The following LAPTM4B variants were observed in gnomAD, a reference collection of about 807,000 sequenced individuals.
The protein encoded by LAPTM4B is lysosomal protein transmembrane 4 beta.
In LAPTM4B, 26 loss-of-function variants were observed where a neutral mutation model predicts 28.5. That is an observed-to-expected ratio of 0.91 (90% confidence interval 0.67 to 1.27). The LOEUF (loss-of-function observed/expected upper bound fraction) is 1.27. Among genes scored for constraint, LAPTM4B ranks in the 50% most tolerant of loss-of-function variants. The pLI is 0.00. For synonymous variants in LAPTM4B, 109 were observed against 106.4 expected (o/e 1.02, Z -0.15); for missense variants, 288 against 285.8 (o/e 1.01, Z -0.06).
intron 1 of LAPTM4B, 64 bp from the exon 2 acceptor site, chr8:97,805,289 T>C (rs2129770555): frequency 2.2e-6 from 2 of 926,496 alleles, no homozygotes; most frequent in South Asian, 1.5e-5. Context: ...TGTAATTTTC[T>C]ATTATAAGGA....
intron 1 of LAPTM4B, among the ~76,000 whole-genome samples, chr8:97,793,938 G>C (rs1816543646): frequency 6.6e-6 from 1 of 152,086 alleles, no homozygotes; most frequent in Non-Finnish European, 1.5e-5. Flanking sequence ...CTGCCAAGTA[G>C]CTAGGACTGC....
intron 6 of LAPTM4B, among the ~76,000 whole-genome samples, chr8:97,835,522 C>T (rs1817246114): frequency 6.6e-6 from 1 of 152,184 alleles, no homozygotes; most frequent in South Asian, 2.1e-4. Context: ...GCCCCCAGCA[C>T]CCTTAGGCCA....
intron 6 of LAPTM4B, among the ~76,000 whole-genome samples, chr8:97,847,331 T>C (rs1184087734): frequency 6.6e-6 from 1 of 152,226 alleles, no homozygotes; most frequent in Non-Finnish European, 1.5e-5. Flanking sequence ...TTTAAACTCT[T>C]GAGTATGTTT....
chr8:97,818,581 T>A (rs1010481670), intron 4 of LAPTM4B, among the ~76,000 whole-genome samples: 2 of 152,328 alleles, frequency 1.3e-5, no homozygotes, highest in South Asian at 4.1e-4. Flanking sequence ...ACCCTGGAAG[T>A]ACTTGCTAGT....
intron 1 of LAPTM4B, among the ~76,000 whole-genome samples, chr8:97,786,659 G>A (rs1043785896): frequency 2.0e-5 from 3 of 149,358 alleles, no homozygotes; most frequent in South Asian, 2.1e-4. Flanking sequence ...AGATCGTGCC[G>A]CTACACTCCA....
At chr8:97,829,431 A>T (rs1817145245) in intron 6 of LAPTM4B, among the ~76,000 whole-genome samples, 1 of 152,130 alleles carries the variant, frequency 6.6e-6, no homozygotes. Context: ...TTTCTGGTTG[A>T]TGTGAGTGTT....
intron 2 of LAPTM4B, among the ~76,000 whole-genome samples, chr8:97,814,776 C>G (rs1413335785): frequency 6.6e-6 from 1 of 152,192 alleles, no homozygotes; most frequent in East Asian, 1.9e-4. Context: ...TCACTGCAAG[C>G]TCTGTCTCCC....
At chr8:97,783,730 C>A (rs1462573798) in intron 1 of LAPTM4B, among the ~76,000 whole-genome samples, 2 of 152,294 alleles carry the variant, frequency 1.3e-5, no homozygotes, top group East Asian at 3.9e-4. Context: ...GACCACCTTC[C>A]CTAGCCAGGC....
chr8:97,775,808 C>G lies in LAPTM4B; in HGVS notation c.-202C>G, dbSNP rs770356848. On this transcript the variant is annotated 5_prime_UTR_variant, in exon 1 of 7. Transcript: ENST00000521545. Reference sequence around the variant, plus strand: ...TCCCCGTCCCCGCCGCTGCAGCGGTCGCCTTCGGAGCGAAGGGTACCGACC... The same window carrying G: ...TCCCCGTCCCCGCCGCTGCAGCGGTGGCCTTCGGAGCGAAGGGTACCGACC... The G allele has an allele frequency of 3.2e-6, 5 of 1,569,696 alleles. No individual in the cohort carries two copies. In the South Asian group the frequency reaches 5.7e-5, roughly 18 times the overall value.
rs376553837 is a variant in LAPTM4B, at chr8:97,851,351, G to A, written c.604-46G>A. 157 of 1,457,504 alleles carry A rather than the reference G, an allele frequency of 1.1e-4. No individual in the cohort carries two copies. In the African/African-American group the frequency reaches 2.0e-3, roughly 19 times the overall value. 90.3% of individuals were successfully genotyped at this position (1,457,504 alleles called of 1,614,324 possible). A position where few individuals can be genotyped will look rare whatever the true frequency, so the allele number is the denominator to read the frequency against. ...GTAAAAGCTAAACCTCGGGGAACGTGTGTGCTCTTCAAACATTAACTCTTG... is the reference window on the plus strand; with the variant it reads ...GTAAAAGCTAAACCTCGGGGAACGTATGTGCTCTTCAAACATTAACTCTTG... On this transcript the variant is annotated intron_variant, in intron 6 of 6. Coordinates refer to ENST00000521545, the MANE Select transcript of LAPTM4B (RefSeq NM_018407.6).
Position 97,825,153 on chromosome 8 carries a change from G to T in LAPTM4B, c.603G>T (p.Thr201=). Residue 201 remains threonine (T), a splice_region_variant and synonymous_variant, in exon 6 of 7, where the codon ACG becomes ACT. Transcript: ENST00000521545. ...VLVYVTSNDT[T]VLLPPYDDAT... ...TTTATGTTACCAGCAATGACACTACGGTAGGTATGATGTCACTTATGGTAG... is the reference window on the plus strand; with the variant it reads ...TTTATGTTACCAGCAATGACACTACTGTAGGTATGATGTCACTTATGGTAG... 6.5e-7 allele frequency: 1 copy of T among 1,534,566 alleles called. No individual in the cohort carries two copies. Among genetic ancestry groups the T allele is most frequent in the Non-Finnish European group, 9.0e-7 (1 of 1,108,244 alleles).
At chr8:97,834,329 G>A (rs1445771098) in intron 6 of LAPTM4B, among the ~76,000 whole-genome samples, 1 of 151,960 alleles carries the variant, frequency 6.6e-6, no homozygotes, top group Non-Finnish European at 1.5e-5. Flanking sequence ...CGCTATTAAT[G>A]TTATGTTGAA....
At chr8:97,842,680 A>G (rs1269316028) in intron 6 of LAPTM4B, among the ~76,000 whole-genome samples, 1 of 150,516 alleles carries the variant, frequency 6.6e-6, no homozygotes, top group Admixed American at 6.6e-5. Context: ...CACCACGCCT[A>G]GCTAATTTTT....
At chr8:97,788,666 G>C (rs910281954) in intron 1 of LAPTM4B, among the ~76,000 whole-genome samples, 1 of 151,210 alleles carries the variant, frequency 6.6e-6, no homozygotes, top group Non-Finnish European at 1.5e-5. Context: ...AATTTCCTTT[G>C]TTAAGGGTCT....
intron 5 of LAPTM4B, among the ~76,000 whole-genome samples, chr8:97,820,675 T>C (rs1211910333): frequency 1.3e-5 from 2 of 151,980 alleles, no homozygotes. Context: ...GAGGCTGTAG[T>C]GTGCTATGAT....
intron 5 of LAPTM4B, among the ~76,000 whole-genome samples, chr8:97,823,843 G>A (rs1817050964): frequency 6.6e-6 from 1 of 151,634 alleles, no homozygotes; most frequent in South Asian, 2.1e-4. Context: ...GACTACAGGC[G>A]CACGCTGCCA....
rs569887530 is a variant in LAPTM4B, at chr8:97,786,291, C to T, written c.99+10183C>T. On this transcript the variant is annotated intron_variant, in intron 1 of 6. Transcript: ENST00000521545. ...CTAACGTTTTAAGAGTTTCGAGTTG[C>T]CTCTTTGCAGTTGCAGCTTCCAAGG... is the stretch of plus-strand genomic sequence containing the variant. Among the ~76,000 whole-genome samples the T allele has an allele frequency of 4.6e-5, 7 of 152,136 alleles. No individual in the cohort carries two copies. In the South Asian group the frequency reaches 1.5e-3, roughly 32 times the overall value.
intron 1 of LAPTM4B, among the ~76,000 whole-genome samples, chr8:97,783,372 T>C (rs1490267631): frequency 6.6e-6 from 1 of 152,158 alleles, no homozygotes; most frequent in African/African-American, 2.4e-5. Flanking sequence ...ACTCACAGTT[T>C]CCTTGTTTAC....
rs1817546263 is a variant in LAPTM4B at position 97,852,704 on chromosome 8, G to GTT, written c.*1230_*1231insTT. On this transcript the variant is annotated 3_prime_UTR_variant, in exon 7 of 7. Coordinates refer to ENST00000521545, the MANE Select transcript of LAPTM4B (RefSeq NM_018407.6). ...GCCTAAGGAGTAGGCTTTTTTTTGG[G>GTT]GGGGGGAGGTCGGGTGGGGGGGATT... 1.1e-5 allele frequency: 2 copies of GTT among 174,868 alleles called. No individual in the cohort carries two copies. Among genetic ancestry groups the GTT allele is most frequent in the African/African-American group, 5.2e-5 (2 of 38,558 alleles). The allele number at this position is 174,868 out of a possible 1,614,324, so 10.8% of individuals were successfully genotyped here. A position where few individuals can be genotyped will look rare whatever the true frequency, so the allele number is the denominator to read the frequency against.
Sources: gnomAD v4.1 joint callset for allele counts (sites outside exome capture counted in the v4.1 genomes callset) on GRCh38, gnomAD v4.1.1 for gene constraint, MANE v1.5 for transcripts, NCBI Gene and HGNC (gene_info 2026-07-23, HGNC 2026-07-21) for gene names.